The following NEDD4 variants were observed in gnomAD, a reference collection of about 807,000 sequenced individuals.
NEDD4 encodes E3 ubiquitin-protein ligase NEDD4.
Under a neutral mutation model 144.9 loss-of-function variants are expected in NEDD4, and 99 were observed. The observed-to-expected ratio is 0.68, with a 90% CI of 0.58 to 0.81. The LOEUF is 0.81. Among genes scored for constraint, NEDD4 ranks in the 30% least tolerant of loss-of-function variants. The pLI is 0.00. For synonymous variants in NEDD4, 318 were observed against 350.6 expected, an observed-to-expected ratio of 0.91 and a Z score of 1.04; for missense variants, 985 against 1,065.9, an observed-to-expected ratio of 0.92 and a Z score of 1.06.
At chr15:55,916,213 GT>G in intron 5 of NEDD4, 1 of 1,613,986 alleles carries the variant, frequency 6.2e-7, no homozygotes, top group Non-Finnish European at 8.5e-7. Flanking sequence ...CTGTCAGAAG[GT>G]AAGTTTCCAC....
intron 4 of NEDD4, among the ~76,000 whole-genome samples, chr15:55,943,530 G>C (rs142722029): frequency 6.6e-6 from 1 of 152,328 alleles, no homozygotes; most frequent in East Asian, 1.9e-4. Context: ...GGTTCAAACC[G>C]TAAGTCTTGG....
intron 1 of NEDD4, among the ~76,000 whole-genome samples, chr15:55,990,045 G>A (rs913179732): frequency 2.6e-5 from 4 of 151,836 alleles, no homozygotes; most frequent in Admixed American, 2.6e-4. Flanking sequence ...TCTAATGCCT[G>A]ATGATTTGTC....
intron 1 of NEDD4, among the ~76,000 whole-genome samples, chr15:55,986,171 T>G (rs1187708764): frequency 6.6e-6 from 1 of 152,164 alleles, no homozygotes; most frequent in East Asian, 1.9e-4. Context: ...TCTTCTTACA[T>G]AGAATGCCAA....
intron 5 of NEDD4, among the ~76,000 whole-genome samples, chr15:55,907,540 T>C (rs568192251): frequency 2.2e-4 from 34 of 152,350 alleles, no homozygotes; most frequent in African/African-American, 8.2e-4. Context: ...TTGCCACTTA[T>C]GGCAGGCACA....
intron 7 of NEDD4, among the ~76,000 whole-genome samples, chr15:55,870,520 CTTCTTCTTCTTTT>C (rs1566922941): frequency 1.3e-5 from 1 of 79,824 alleles, no homozygotes; most frequent in Non-Finnish European, 2.5e-5. Flanking sequence ...TTTTCTTCTT[CTTCTTCTTCTTTT>C]TTTTTTTTTT....
intron 12 of NEDD4, among the ~76,000 whole-genome samples, chr15:55,853,859 T>G (rs2034087681): frequency 6.6e-6 from 1 of 152,002 alleles, no homozygotes. Context: ...GGCATGGTGG[T>G]GGGCACCTGT....
At chr15:55,910,560 A>T (rs2036240066) in intron 5 of NEDD4, among the ~76,000 whole-genome samples, 1 of 151,464 alleles carries the variant, frequency 6.6e-6, no homozygotes, top group South Asian at 2.1e-4. Flanking sequence ...TTCCCTTCCC[A>T]TCTCACTGTA....
At chr15:55,941,496 G>A (rs2142275904) in intron 4 of NEDD4, among the ~76,000 whole-genome samples, 1 of 151,720 alleles carries the variant, frequency 6.6e-6, no homozygotes, top group East Asian at 1.9e-4. Context: ...AAACATTTGT[G>A]ATATACATAC....
rs1470794158 is a variant in NEDD4, at chr15:55,855,075, A to C, written c.1026+1056T>G. Among the ~76,000 whole-genome samples, 8 of 152,168 alleles carry C rather than the reference A, an allele frequency of 5.3e-5. No individual in the cohort carries two copies. The South Asian group carries it at 1.7e-3, about 32-fold the overall frequency. On this transcript the variant is annotated intron_variant, in intron 12 of 28. Coordinates refer to ENST00000435532, the MANE Select transcript of NEDD4 (RefSeq NM_006154.4). The stretch of plus-strand genomic sequence containing the variant: ...CTAGCGATGATAGTCTTTCAATGGC[A>C]TCTGTCCTCTTGTTGATGGTCAGTA...
chr15:55,932,258 A>G (rs2036795927), intron 4 of NEDD4, among the ~76,000 whole-genome samples: 1 of 152,180 alleles, frequency 6.6e-6, no homozygotes, highest in African/African-American at 2.4e-5. Flanking sequence ...ATGCTACCTG[A>G]CTTCAAACTA....
chr15:55,916,798 T>C, intron 5 of NEDD4: 1 of 1,609,074 alleles, frequency 6.2e-7, no homozygotes, highest in Non-Finnish European at 8.5e-7. Context: ...TTGCTTCTTC[T>C]GGCTGCAAAG....
chr15:55,983,953 C>T (rs184627511), intron 1 of NEDD4, among the ~76,000 whole-genome samples: 180 of 152,258 alleles, frequency 1.2e-3, no homozygotes, highest in African/African-American at 4.2e-3. Context: ...CTTAATAACA[C>T]TTATAAAATA....
At chr15:55,902,807 A>C (rs1368392786) in intron 5 of NEDD4, among the ~76,000 whole-genome samples, 1 of 152,196 alleles carries the variant, frequency 6.6e-6, no homozygotes, top group Non-Finnish European at 1.5e-5. Context: ...CAAAGTAATT[A>C]TAAATCACAA....
rs757216876 is a variant in NEDD4, at chr15:55,860,542, G to C, written c.825C>G (p.Thr275=). The C allele has an allele frequency of 8.1e-6, 13 of 1,613,958 alleles. No homozygotes were observed. In the South Asian group the frequency reaches 1.4e-4, roughly 18 times the overall value. ...ATGGGAAGGCCTGGTTGCTATACATGGTGGCTTCATCTTCTCTTATAATTT... is the reference window on the plus strand; with the variant it reads ...ATGGGAAGGCCTGGTTGCTATACATCGTGGCTTCATCTTCTCTTATAATTT... ...NWEIIREDEA[T]MYSNQAFPSP... is the part of the protein sequence containing the mutation. Residue 275 remains threonine, a synonymous_variant, in exon 11 of 29, where the codon ACC becomes ACG. Coordinates refer to ENST00000435532, the MANE Select transcript of NEDD4 (RefSeq NM_006154.4).
intron 5 of NEDD4, among the ~76,000 whole-genome samples, chr15:55,898,782 C>G (rs1019697005): frequency 6.6e-6 from 1 of 151,636 alleles, no homozygotes; most frequent in Non-Finnish European, 1.5e-5. Context: ...TATAGGCAAG[C>G]GCCACCACAC....
intron 5 of NEDD4, chr15:55,915,506 T>A: frequency 6.2e-7 from 1 of 1,613,860 alleles, no homozygotes; most frequent in Non-Finnish European, 8.5e-7. Context: ...TCTGTGAATG[T>A]GGTCTTTCCA....
chr15:55,919,894 C>T (rs1411929313), intron 5 of NEDD4, among the ~76,000 whole-genome samples: 1 of 152,198 alleles, frequency 6.6e-6, no homozygotes, highest in East Asian at 1.9e-4. Context: ...GTATCAACTT[C>T]GATAGGTTAT....
rs1027867367 is a variant in NEDD4, at chr15:55,923,924, A to G, written c.291+722T>C. On this transcript the variant is annotated intron_variant, in intron 5 of 28. Transcript: ENST00000435532. ...TGCTTGTAACTGATAAGCTTTGCAC[A>G]CATAACACTGTTTCTATACTTACCT... is the stretch of plus-strand genomic sequence containing the variant. Among the ~76,000 whole-genome samples, 17 of 152,236 alleles carry G rather than the reference A, an allele frequency of 1.1e-4. No individual in the cohort carries two copies. The East Asian group carries it at 3.3e-3, about 29-fold the overall frequency.
At chr15:55,887,617 C>T (rs1175188561) in intron 5 of NEDD4, among the ~76,000 whole-genome samples, 7 of 152,144 alleles carry the variant, frequency 4.6e-5, no homozygotes, top group African/African-American at 1.7e-4. Context: ...GGAGGGAATA[C>T]TTCCAAACTT....
Sources: allele counts gnomAD v4.1 joint callset (sites outside exome capture counted in the v4.1 genomes callset), GRCh38; gene constraint gnomAD v4.1.1; transcripts MANE v1.5; gene names NCBI Gene and HGNC (gene_info 2026-07-23, HGNC 2026-07-21).